The following SLC35F3 variants were observed in gnomAD, a reference collection of about 807,000 sequenced individuals.
SLC35F3 encodes the protein putative thiamine transporter SLC35F3.
SLC35F3 carries 25 observed loss-of-function variants against 49.9 expected under a neutral mutation model. The ratio of observed to expected loss-of-function variants is 0.50; its 90% CI spans 0.37 to 0.70. SLC35F3 has a LOEUF of 0.70. Ranked by LOEUF, SLC35F3 falls within the 30% of genes least tolerant of loss-of-function variation. SLC35F3 has a pLI of 0.00. For missense variants in SLC35F3, 525 were observed against 639.8 expected (o/e 0.82, Z 1.94); for synonymous variants, 275 against 265.4 (o/e 1.04, Z -0.35).
chr1:234,155,906 T>C (rs1014974514), intron 2 of SLC35F3, among the ~76,000 whole-genome samples: 4 of 152,070 alleles, frequency 2.6e-5, no homozygotes, highest in Non-Finnish European at 4.4e-5. Flanking sequence ...AGTAAGACTT[T>C]TCTAAACATG....
At chr1:234,190,282 G>A (rs1666711859) in intron 2 of SLC35F3, among the ~76,000 whole-genome samples, 1 of 152,170 alleles carries the variant, frequency 6.6e-6, no homozygotes, top group Non-Finnish European at 1.5e-5. Context: ...ATTGCAGAAT[G>A]GATAAGAATT....
At chr1:234,139,934 G>A (rs768461522) in intron 2 of SLC35F3, among the ~76,000 whole-genome samples, 61 of 46,646 alleles carry the variant, frequency 1.3e-3, no homozygotes, top group Admixed American at 1.4e-3. Flanking sequence ...GCAACAGAGC[G>A]AGACTCCATC....
intron 2 of SLC35F3, among the ~76,000 whole-genome samples, chr1:234,211,757 C>T (rs947816487): frequency 8.5e-5 from 13 of 152,190 alleles, no homozygotes; most frequent in African/African-American, 2.9e-4. Flanking sequence ...TCAAATGAGG[C>T]TTTGGACTGT....
At chr1:233,923,372 A>G (rs1662100594) in intron 2 of SLC35F3, among the ~76,000 whole-genome samples, 1 of 152,124 alleles carries the variant, frequency 6.6e-6, no homozygotes. Context: ...ACATCCCTGT[A>G]AGTTGTATTC....
intron 2 of SLC35F3, among the ~76,000 whole-genome samples, chr1:234,170,603 A>G (rs2102918616): frequency 6.6e-6 from 1 of 152,156 alleles, no homozygotes; most frequent in Non-Finnish European, 1.5e-5. Context: ...CCTACCCCTC[A>G]CCACAGGCCT....
rs143612739 is a variant in SLC35F3, at chr1:234,318,174, TC to T, written c.955-576del. Among the ~76,000 whole-genome samples the T allele has an allele frequency of 7.1e-3, 1,087 of 152,222 alleles. 2 individuals are homozygous for T. The highest frequency in any genetic ancestry group is 0.01 in the Non-Finnish European group (690 of 67,998). ...CAGCTTCTGGCCACTCCCATCACAT[TC>T]ACCCTCTCCTCCCAGCCTTCCAAGC... On this transcript the variant is annotated intron_variant, in intron 5 of 7. Transcript: ENST00000366618.
intron 2 of SLC35F3, among the ~76,000 whole-genome samples, chr1:233,936,409 C>A (rs1351207111): frequency 6.6e-6 from 1 of 152,132 alleles, no homozygotes; most frequent in Non-Finnish European, 1.5e-5. Flanking sequence ...TTTCTTATAG[C>A]CTGTGCCTGT....
intron 2 of SLC35F3, among the ~76,000 whole-genome samples, chr1:234,010,244 A>T (rs934846865): frequency 6.6e-6 from 1 of 152,188 alleles, no homozygotes; most frequent in African/African-American, 2.4e-5. Flanking sequence ...AAAAGTAGAG[A>T]GTTGTTGTAG....
chr1:234,041,604 A>G (rs1427213430), intron 2 of SLC35F3, among the ~76,000 whole-genome samples: 1 of 152,124 alleles, frequency 6.6e-6, no homozygotes, highest in African/African-American at 2.4e-5. Context: ...TTAAAAGAAA[A>G]TAGCATAACC....
At chr1:234,010,227 G>A (rs1368221690) in intron 2 of SLC35F3, among the ~76,000 whole-genome samples, 1 of 152,198 alleles carries the variant, frequency 6.6e-6, no homozygotes, top group South Asian at 2.1e-4. Context: ...CATTTAAGGG[G>A]GACACTAAAA....
At chr1:234,012,776 A>G (rs1445198422) in intron 2 of SLC35F3, among the ~76,000 whole-genome samples, 2 of 152,232 alleles carry the variant, frequency 1.3e-5, no homozygotes, top group East Asian at 1.9e-4. Context: ...TTCCCTTTCT[A>G]CATAGACACA....
intron 4 of SLC35F3, among the ~76,000 whole-genome samples, chr1:234,310,225 C>T (rs1285532476): frequency 6.6e-6 from 1 of 152,156 alleles, no homozygotes; most frequent in Non-Finnish European, 1.5e-5. Context: ...AGTTAGTGTA[C>T]AGCTTTCCCC....
intron 2 of SLC35F3, among the ~76,000 whole-genome samples, chr1:233,948,968 G>C (rs1198656684): frequency 6.6e-6 from 1 of 152,122 alleles, no homozygotes; most frequent in East Asian, 1.9e-4. Context: ...AGAACTTGCT[G>C]AGCTGGCATG....
intron 2 of SLC35F3, among the ~76,000 whole-genome samples, chr1:234,098,157 G>A (rs1196632600): frequency 6.6e-6 from 1 of 150,868 alleles, no homozygotes; most frequent in Non-Finnish European, 1.5e-5. Flanking sequence ...TAGTGATGGT[G>A]TTATACGGTG....
At chr1:234,128,406 C>T (rs901860502) in intron 2 of SLC35F3, among the ~76,000 whole-genome samples, 8 of 152,192 alleles carry the variant, frequency 5.3e-5, no homozygotes, top group African/African-American at 1.4e-4. Flanking sequence ...AGGGGTGAAG[C>T]AGGGCTGAAG....
intron 2 of SLC35F3, among the ~76,000 whole-genome samples, chr1:234,220,880 T>A (rs1265797277): frequency 2.6e-5 from 4 of 152,096 alleles, no homozygotes; most frequent in Non-Finnish European, 5.9e-5. Flanking sequence ...TTGAGGCCAA[T>A]GCCTGCAAAC....
chr1:233,995,095 C>T (rs1663436300), intron 2 of SLC35F3, among the ~76,000 whole-genome samples: 1 of 152,212 alleles, frequency 6.6e-6, no homozygotes, highest in African/African-American at 2.4e-5. Flanking sequence ...AGCACAATGC[C>T]AGCTACAAGT....
intron 3 of SLC35F3, among the ~76,000 whole-genome samples, chr1:234,283,497 G>A (rs1668361681): frequency 6.6e-6 from 1 of 152,250 alleles, no homozygotes; most frequent in Non-Finnish European, 1.5e-5. Context: ...ATGCAAAGTA[G>A]CACTGCAAAC....
At chr1:233,929,439 C>G (rs77341341) in intron 2 of SLC35F3, among the ~76,000 whole-genome samples, 4,424 of 152,264 alleles carry the variant, frequency 0.029, 194 homozygotes, top group African/African-American at 0.1. Context: ...CTGACCTCTT[C>G]ACTTTGTAGT....
Sources: allele counts gnomAD v4.1 joint callset (sites outside exome capture counted in the v4.1 genomes callset), GRCh38; gene constraint gnomAD v4.1.1; transcripts MANE v1.5; gene names NCBI Gene and HGNC (gene_info 2026-07-23, HGNC 2026-07-21).